Variants in TNKS observed in about 807,000 individuals in gnomAD.
TNKS encodes poly [ADP-ribose] polymerase tankyrase-1.
A neutral mutation model predicts 135.8 loss-of-function variants in TNKS; 72 were observed. The observed-to-expected ratio is 0.53, with a 90% confidence interval of 0.44 to 0.64. The LOEUF is 0.64. Among genes scored for constraint, TNKS ranks in the 30% least tolerant of loss-of-function variants. The probability of loss-of-function intolerance (pLI) is 0.00; values close to 1 mark genes in which losing one functional copy is unlikely to be tolerated. For synonymous variants in TNKS, 849 were observed against 649.3 expected, an observed-to-expected ratio of 1.31 and a Z score of -4.68; for missense variants, 1,769 against 1,674.0, an observed-to-expected ratio of 1.06 and a Z score of -0.99.
chr8:9,701,602 A>G (rs1202975492), intron 5 of TNKS, among the ~76,000 whole-genome samples: 4 of 152,206 alleles, frequency 2.6e-5, no homozygotes, highest in African/African-American at 7.2e-5. Context: ...TCTGAGAAAA[A>G]TAGACAAAAT....
chr8:9,717,838 T>C (rs1409696449), intron 11 of TNKS, among the ~76,000 whole-genome samples: 1 of 152,196 alleles, frequency 6.6e-6, no homozygotes, highest in Non-Finnish European at 1.5e-5. Flanking sequence ...TAAACAGTTA[T>C]TTCTGTTGGT....
At chr8:9,560,914 T>G (rs1004914261) in intron 1 of TNKS, among the ~76,000 whole-genome samples, 1 of 152,140 alleles carries the variant, frequency 6.6e-6, no homozygotes, top group African/African-American at 2.4e-5. Context: ...AGTGTCTCTT[T>G]CTTTTACCTC....
chr8:9,733,387 C>G lies in TNKS; in HGVS notation c.2256C>G (p.Thr752=). ...SVNVADLWKF[T]PLHEAAAKGK... Reference sequence around the variant, plus strand: ...ATGTGGCGGACTTATGGAAATTTACCCCTCTCCATGAAGCAGCAGCTAAAG... The same window carrying G: ...ATGTGGCGGACTTATGGAAATTTACGCCTCTCCATGAAGCAGCAGCTAAAG... The change falls in exon 15 of 27, where the codon ACC becomes ACG. Residue 752 remains threonine, a synonymous_variant. Transcript: ENST00000310430. The G allele has an allele frequency of 1.2e-6, 2 of 1,613,268 alleles. No individual in the cohort carries two copies. The highest frequency in any genetic ancestry group is 1.7e-6 in the Non-Finnish European group (2 of 1,179,646).
intron 2 of TNKS, among the ~76,000 whole-genome samples, chr8:9,584,728 C>G (rs1424361671): frequency 6.6e-6 from 1 of 152,236 alleles, no homozygotes; most frequent in East Asian, 1.9e-4. Context: ...TGCCCTCACA[C>G]AGTTTACATG....
At chr8:9,685,504 G>C (rs1029399727) in intron 5 of TNKS, among the ~76,000 whole-genome samples, 1 of 152,098 alleles carries the variant, frequency 6.6e-6, no homozygotes, top group Non-Finnish European at 1.5e-5. Context: ...AATGTATCTA[G>C]AATGGACACT....
chr8:9,590,115 G>T (rs1254217986), intron 2 of TNKS, among the ~76,000 whole-genome samples: 1 of 152,206 alleles, frequency 6.6e-6, no homozygotes, highest in Non-Finnish European at 1.5e-5. Context: ...CAGTATGTGC[G>T]TGTTTAAAAA....
intron 3 of TNKS, among the ~76,000 whole-genome samples, chr8:9,643,012 C>G (rs1563137389): frequency 6.8e-6 from 1 of 146,082 alleles, no homozygotes; most frequent in Non-Finnish European, 1.5e-5. Context: ...AAGGAAAACC[C>G]TAATCTACTT....
chr8:9,579,384 A>G lies in TNKS; in HGVS notation c.674-775A>G, dbSNP rs150716642. Reference sequence around the variant, plus strand: ...TTCACCATGTGTTTCTCATACCCATACATTCATCCCCAATTTCCCTAATAC... The same window carrying G: ...TTCACCATGTGTTTCTCATACCCATGCATTCATCCCCAATTTCCCTAATAC... On this transcript the variant is annotated intron_variant, in intron 1 of 26. Transcript: ENST00000310430. Among the ~76,000 whole-genome samples the G allele has an allele frequency of 3.3e-5, 5 of 152,358 alleles. No homozygotes were observed. In the East Asian group the frequency reaches 9.6e-4, roughly 29 times the overall value.
At chr8:9,711,996 G>A (rs1021558026) in intron 11 of TNKS, among the ~76,000 whole-genome samples, 2 of 152,108 alleles carry the variant, frequency 1.3e-5, no homozygotes, top group African/African-American at 4.8e-5. Context: ...AACTTCGCAA[G>A]AACATCAGTA....
chr8:9,774,720 G>T (rs570941586), intron 26 of TNKS, among the ~76,000 whole-genome samples: 4 of 152,126 alleles, frequency 2.6e-5, no homozygotes, highest in African/African-American at 7.2e-5. Flanking sequence ...GACCTTTAAG[G>T]AACTCATGCC....
chr8:9,763,993 C>G (rs181071179), intron 22 of TNKS, among the ~76,000 whole-genome samples: 3 of 152,072 alleles, frequency 2.0e-5, no homozygotes, highest in African/African-American at 4.8e-5. Context: ...TCAGCTCATA[C>G]GTAGCGCATC....
At chr8:9,654,305 A>G (rs1801261985) in intron 3 of TNKS, among the ~76,000 whole-genome samples, 1 of 152,172 alleles carries the variant, frequency 6.6e-6, no homozygotes, top group East Asian at 1.9e-4. Flanking sequence ...TTCTATTTAG[A>G]TTTATATTTT....
intron 5 of TNKS, among the ~76,000 whole-genome samples, chr8:9,682,473 C>T (rs1802822933): frequency 6.6e-6 from 1 of 152,066 alleles, no homozygotes; most frequent in African/African-American, 2.4e-5. Context: ...TTTATTTTTC[C>T]TTTTCCTTAA....
chr8:9,772,339 G>C, intron 26 of TNKS: 2 of 452,762 alleles, frequency 4.4e-6, no homozygotes, highest in South Asian at 1.6e-5. Context: ...TCACCAATGA[G>C]GGACAGATAG....
chr8:9,617,993 T>G lies in TNKS; in HGVS notation c.994+2316T>G, dbSNP rs569497991. On this transcript the variant is annotated intron_variant, in intron 3 of 26. Coordinates refer to ENST00000310430, the MANE Select transcript of TNKS (RefSeq NM_003747.3). ...GACAATCTCTTTTTTGGTTTTTTTT[T>G]TTTTTTTTTTTGAGATGGAGTTTTG... Among the ~76,000 whole-genome samples the G allele has an allele frequency of 2.5e-3, 319 of 125,138 alleles. 5 individuals are homozygous for G. The highest frequency in any genetic ancestry group is 6.0e-3 in the South Asian group (19 of 3,180). 82.1% of individuals were successfully genotyped at this position (125,138 alleles called of 152,430 possible). A position where few individuals can be genotyped will look rare whatever the true frequency, so the allele number is the denominator to read the frequency against.
chr8:9,619,126 G>C (rs1371249759), intron 3 of TNKS, among the ~76,000 whole-genome samples: 2 of 152,164 alleles, frequency 1.3e-5, no homozygotes, highest in Non-Finnish European at 2.9e-5. Flanking sequence ...ATCACATTCA[G>C]TCTTAGCATC....
intron 3 of TNKS, among the ~76,000 whole-genome samples, chr8:9,657,860 C>T (rs1175874870): frequency 2.0e-5 from 3 of 146,696 alleles, no homozygotes; most frequent in South Asian, 2.2e-4. Flanking sequence ...AGCTGCCGGG[C>T]GGAGGGGCTC....
intron 2 of TNKS, among the ~76,000 whole-genome samples, chr8:9,581,486 A>G (rs1484420177): frequency 6.6e-6 from 1 of 152,154 alleles, no homozygotes; most frequent in Non-Finnish European, 1.5e-5. Flanking sequence ...CATTACATAA[A>G]ACTACCTTGA....
intron 2 of TNKS, among the ~76,000 whole-genome samples, chr8:9,608,796 A>C (rs1799334145): frequency 6.6e-6 from 1 of 152,130 alleles, no homozygotes; most frequent in Non-Finnish European, 1.5e-5. Flanking sequence ...GTGGTTGGCA[A>C]ATTGTGTTAG....
Sources: gnomAD v4.1 joint callset for allele counts (sites outside exome capture counted in the v4.1 genomes callset) on GRCh38, gnomAD v4.1.1 for gene constraint, MANE v1.5 for transcripts, NCBI Gene and HGNC (gene_info 2026-07-23, HGNC 2026-07-21) for gene names.